The following CIMIP2B variants were observed in gnomAD, a reference collection of about 807,000 sequenced individuals.
CIMIP2B encodes ciliary microtubule inner protein 2B.
chr9:35,563,689 T>G, the CIMIP2B span: 2 of 1,378,660 alleles, frequency 1.5e-6, no homozygotes, highest in Non-Finnish European at 2.1e-6. Context: ...CTTGGCCCCA[T>G]GCTCTAAGCA....
the CIMIP2B span, chr9:35,562,442 G>A: frequency 3.2e-6 from 5 of 1,575,654 alleles, no homozygotes; most frequent in South Asian, 2.4e-5. Context: ...TCTGGGAAGT[G>A]GGGGGAGATG....
the CIMIP2B span, chr9:35,562,801 C>A: frequency 6.2e-7 from 1 of 1,607,664 alleles, no homozygotes; most frequent in Non-Finnish European, 8.5e-7. Context: ...ACTCATGCTG[C>A]CCCCACTGCC....
the CIMIP2B span, chr9:35,563,645 A>G: frequency 6.7e-6 from 6 of 889,326 alleles, no homozygotes; most frequent in Admixed American, 1.1e-4. Flanking sequence ...ATCCACCACC[A>G]TAGAGACCTC....
chr9:35,562,506 C>A, the CIMIP2B span: 1 of 1,576,846 alleles, frequency 6.3e-7, no homozygotes, highest in Non-Finnish European at 8.6e-7. Context: ...TCCTGCAGTG[C>A]CTGGTTGGTG....
At chr9:35,562,282 T>C in the CIMIP2B span, 15 of 1,116,512 alleles carry the variant, frequency 1.3e-5, no homozygotes, top group East Asian at 3.4e-4. Flanking sequence ...AGCCCTCCCA[T>C]ATCTATTAGT....
chr9:35,562,763 G>C, the CIMIP2B span: 1 of 1,609,950 alleles, frequency 6.2e-7, no homozygotes, highest in Non-Finnish European at 8.5e-7. Flanking sequence ...ACAATCAAGT[G>C]CACATCCCCT....
At chr9:35,561,933 C>CAAAAA in the CIMIP2B span, 1 of 541,560 alleles carries the variant, frequency 1.8e-6, no homozygotes, top group Non-Finnish European at 3.5e-6. Flanking sequence ...TCCCACCCTC[C>CAAAAA]CACCCACCTC....
the CIMIP2B span, chr9:35,562,089 T>G: frequency 6.5e-7 from 1 of 1,532,560 alleles, no homozygotes; most frequent in Non-Finnish European, 8.7e-7. Context: ...AAACTGGAAC[T>G]TATACCCTGT....
chr9:35,562,620 G>C, the CIMIP2B span: 1 of 1,611,964 alleles, frequency 6.2e-7, no homozygotes, highest in Non-Finnish European at 8.5e-7. Flanking sequence ...GCCTCCCCAC[G>C]CCTCTGATCC....
the CIMIP2B span, chr9:35,562,086 A>AACTT: frequency 4.0e-4 from 620 of 1,534,296 alleles, no homozygotes; most frequent in Middle Eastern, 2.1e-3. Flanking sequence ...GCCAAACTGG[A>AACTT]ACTTATACCC....
the CIMIP2B span, chr9:35,562,675 C>T: frequency 1.2e-6 from 2 of 1,613,608 alleles, no homozygotes; most frequent in African/African-American, 2.7e-5. Context: ...CCGAGGGTCC[C>T]TGTCATCCAT....
chr9:35,563,770 G>A, the CIMIP2B span: 1 of 1,613,572 alleles, frequency 6.2e-7, no homozygotes, highest in East Asian at 2.2e-5. Context: ...GTCTTACCCT[G>A]GGATATAATG....
chr9:35,563,468 C>T, the CIMIP2B span: 1 of 1,139,960 alleles, frequency 8.8e-7, no homozygotes, highest in East Asian at 2.6e-5. Flanking sequence ...CCTCTGAAGC[C>T]CTGATCTTTC....
chr9:35,562,059 A>AGAT, the CIMIP2B span: 42 of 1,535,620 alleles, frequency 2.7e-5, no homozygotes, highest in Non-Finnish European at 3.4e-5. Context: ...ATCATGGGTG[A>AGAT]GATGGCCAAA....
the CIMIP2B span, chr9:35,563,869 G>A: frequency 1.9e-6 from 3 of 1,585,126 alleles, no homozygotes; most frequent in Non-Finnish European, 2.6e-6. Flanking sequence ...TTGAGCCAAG[G>A]CTCTGGTCTG....
At chr9:35,563,537 C>G in the CIMIP2B span, 1 of 760,980 alleles carries the variant, frequency 1.3e-6, no homozygotes, top group East Asian at 2.7e-5. Flanking sequence ...CCTGGGCTTT[C>G]GATCCTTCCT....
At chr9:35,562,871 T>C in the CIMIP2B span, 1 of 1,613,936 alleles carries the variant, frequency 6.2e-7, no homozygotes, top group South Asian at 1.1e-5. Flanking sequence ...CTTCTTGGTC[T>C]CACTTGTTCC....
chr9:35,562,934 C>T, the CIMIP2B span: 3 of 1,613,936 alleles, frequency 1.9e-6, no homozygotes, highest in Middle Eastern at 1.6e-4. Context: ...GGCACCTGGT[C>T]CTTCTCTGTG....
At chr9:35,562,481 T>A in the CIMIP2B span, 9 of 1,583,586 alleles carry the variant, frequency 5.7e-6, no homozygotes, top group Admixed American at 5.4e-5. Context: ...GCCTGGTGAG[T>A]GCTTCTGCCC....
Sources: allele counts gnomAD v4.1 joint callset, GRCh38; gene constraint gnomAD v4.1.1; transcripts MANE v1.5; gene names NCBI Gene and HGNC (gene_info 2026-07-23, HGNC 2026-07-21).